SHFL: variants seen among roughly 807,000 people sequenced by gnomAD.
SHFL encodes the protein shiftless antiviral inhibitor of ribosomal frameshifting protein.
A neutral mutation model predicts 34.7 loss-of-function variants in SHFL; 12 were observed. The observed-to-expected ratio is 0.35, with a 90% CI of 0.22 to 0.56. SHFL has a LOEUF of 0.56. Among genes scored for constraint, SHFL ranks in the 20% least tolerant of loss-of-function variants. The probability of loss-of-function intolerance (pLI) is 0.88; values close to 1 mark genes in which losing one functional copy is unlikely to be tolerated. For missense variants in SHFL, 278 were observed against 411.1 expected (o/e 0.68, Z 2.80); for synonymous variants, 148 against 156.0 (o/e 0.95, Z 0.38).
chr19:10,090,068 C>A, intron 5 of SHFL, 21 bp downstream of exon 5: 1 of 1,590,850 alleles, frequency 6.3e-7, no homozygotes, highest in Admixed American at 1.8e-5. Flanking sequence ...AAAACTTAAC[C>A]TCGACTTTGA....
chr19:10,087,121 G>C, intron 2 of SHFL, 69 bp downstream of exon 2: 1 of 1,591,308 alleles, frequency 6.3e-7, no homozygotes, highest in Non-Finnish European at 8.6e-7. Context: ...GCGTGGTCTA[G>C]GGAGAGGCGT....
At position 10,092,897 on chromosome 19, in the gene SHFL, G is replaced by A. The variant is rs2088428476; in HGVS notation, c.*595G>A. On this transcript the variant is annotated 3_prime_UTR_variant, in exon 8 of 8. Coordinates refer to ENST00000253110, the MANE Select transcript of SHFL (RefSeq NM_018381.4). ...CCCCTCCCATTCTTATTGAATACAAGCCCTGATCTTCCATCTCCTCAGCAA... is the reference window on the plus strand; with the variant it reads ...CCCCTCCCATTCTTATTGAATACAAACCCTGATCTTCCATCTCCTCAGCAA... 4 of 842,650 alleles carry A rather than the reference G, an allele frequency of 4.7e-6. No individual in the cohort carries two copies. The South Asian group carries it at 1.0e-4, about 22-fold the overall frequency. The allele number at this position is 842,650 out of a possible 1,614,324, so 52.2% of individuals were successfully genotyped here. A position where few individuals can be genotyped will look rare whatever the true frequency, so the allele number is the denominator to read the frequency against.
At chr19:10,088,350 G>T (rs1178456142) in intron 3 of SHFL, 1 of 151,002 alleles carries the variant, frequency 6.6e-6, no homozygotes, top group Admixed American at 6.6e-5. Flanking sequence ...GGATCATGAG[G>T]TCAGGAGATC....
Position 10,091,411 on chromosome 19 carries a change from C to G in SHFL, c.488+58C>G. On this transcript the variant is annotated intron_variant, in intron 6 of 7. Transcript: ENST00000253110. The surrounding 1 kb of genome is among the most constrained non-coding windows in gnomAD (Gnocchi z 8.2). ...CCTGCCCTACCCCAGCCCTGCCCCT[C>G]CCTGCCCTGGCCCCACCCTGGCCCA... 2 of 1,516,018 alleles carry G rather than the reference C, an allele frequency of 1.3e-6. No homozygotes were observed. The highest frequency in any genetic ancestry group is 2.3e-5 in the South Asian group (2 of 86,366). 93.9% of individuals were successfully genotyped at this position (1,516,018 alleles called of 1,614,324 possible). A position where few individuals can be genotyped will look rare whatever the true frequency, so the allele number is the denominator to read the frequency against.
Position 10,092,065 on chromosome 19 carries a change from C to T in SHFL, c.644-5C>T, listed in dbSNP as rs1444937620. ...CCCATGTCTGCAGCACCTCTCCCTC[C>T]CTAGAGCCCCACGTGCCTGGGACAT... On this transcript the variant is annotated splice_region_variant and splice_polypyrimidine_tract_variant and intron_variant, in intron 7 of 7. Coordinates refer to ENST00000253110, the MANE Select transcript of SHFL (RefSeq NM_018381.4). 4 of 1,613,774 alleles carry T rather than the reference C, an allele frequency of 2.5e-6. No homozygotes were observed. The highest frequency in any genetic ancestry group is 3.4e-6 in the Non-Finnish European group (4 of 1,179,842).
chr19:10,089,839 A>T (rs2088350747), intron 4 of SHFL, 59 bp from the exon 5 acceptor site: 1 of 1,587,916 alleles, frequency 6.3e-7, no homozygotes, highest in African/African-American at 1.3e-5. Context: ...GCTGATGCTT[A>T]TGTTGGTGCA....
chr19:10,087,069 C>T lies in SHFL; in HGVS notation c.145+17C>T, dbSNP rs2088300005. Reference sequence around the variant, plus strand: ...TCGTGTACGGTGAGGCTGCAGGGGTCCCGGGCCTGGTGCGGGGACCGCGCG... The same window carrying T: ...TCGTGTACGGTGAGGCTGCAGGGGTTCCGGGCCTGGTGCGGGGACCGCGCG... On this transcript the variant is annotated intron_variant, in intron 2 of 7. Transcript: ENST00000253110. 6.2e-7 allele frequency: 1 copy of T among 1,607,292 alleles called. No homozygotes were observed. Among genetic ancestry groups the T allele is most frequent in the Admixed American group, 1.7e-5 (1 of 58,748 alleles).
chr19:10,092,010 T>G, intron 7 of SHFL, 60 bp from the exon 8 acceptor site: 1 of 1,606,968 alleles, frequency 6.2e-7, no homozygotes, highest in Non-Finnish European at 8.5e-7. Flanking sequence ...CTAAGTCCCC[T>G]CCTCCCCAGA....
rs1449780945 is a variant in SHFL, at chr19:10,092,426, G to A, written c.*124G>A. 1.3e-6 allele frequency: 2 copies of A among 1,517,724 alleles called. No individual in the cohort carries two copies. The highest frequency in any genetic ancestry group is 1.7e-4 in the Middle Eastern group (1 of 5,726). The allele number at this position is 1,517,724 out of a possible 1,614,324, so 94.0% of individuals were successfully genotyped here. ...CCATCTGAGGCCAAGATATTGACGG[G>A]GGGGATTCCTGGGTCCCATTTTCAG... On this transcript the variant is annotated 3_prime_UTR_variant, in exon 8 of 8. Transcript: ENST00000253110.
chr19:10,091,823 G>T lies in SHFL; in HGVS notation c.643+193G>T. On this transcript the variant is annotated intron_variant, in intron 7 of 7. Transcript: ENST00000253110. This position sits in a 1 kb window ranked among gnomAD's most constrained non-coding sequence, Gnocchi z 8.2. ...TTTCACCCCAGTGGCCCGTGCCTGA[G>T]GGTCCCCATGGCCTCTGCCCCCATG... is the stretch of plus-strand genomic sequence containing the variant. 2.1e-6 allele frequency: 2 copies of T among 937,622 alleles called. No individual in the cohort carries two copies. Among genetic ancestry groups the T allele is most frequent in the Non-Finnish European group, 3.1e-6 (2 of 647,636 alleles). 58.1% of individuals were successfully genotyped at this position (937,622 alleles called of 1,614,324 possible).
At chr19:10,088,981 ATAATAATAATAT>A (rs996361842) in intron 3 of SHFL, 13 of 135,330 alleles carry the variant, frequency 9.6e-5, no homozygotes, top group East Asian at 4.6e-4. Flanking sequence ...AATAATAATA[ATAATAATAATAT>A]TAGCAGAGAG....
chr19:10,088,850 G>A (rs1353390805), intron 3 of SHFL, among the ~76,000 whole-genome samples: 3 of 151,614 alleles, frequency 2.0e-5, no homozygotes, highest in Non-Finnish European at 4.4e-5. Context: ...GGCAGGCTAA[G>A]GCAGAAGAAT....
In SHFL at chr19:10,092,613, C is replaced by T; in HGVS notation, c.*311C>T. The T allele has an allele frequency of 6.2e-7, 1 of 1,610,082 alleles. No homozygotes were observed. The highest frequency in any genetic ancestry group is 1.7e-5 in the Admixed American group (1 of 59,852). ...GTCACAGCTTCAGGGGCCGAATGAG[C>T]ATGGCGGCCTTCCTGAGAGAATATG... is the stretch of plus-strand genomic sequence containing the variant. On this transcript the variant is annotated 3_prime_UTR_variant, in exon 8 of 8. Transcript: ENST00000253110.
rs772391880 is a variant in SHFL, at chr19:10,089,640, CT to C, written c.196-16del. The C allele has an allele frequency of 4.4e-5, 69 of 1,585,938 alleles. No homozygotes were observed. The highest frequency in any genetic ancestry group is 5.3e-5 in the Non-Finnish European group (62 of 1,165,508). On this transcript the variant is annotated splice_polypyrimidine_tract_variant and intron_variant, in intron 3 of 7. Transcript: ENST00000253110. Reference sequence around the variant, plus strand: ...TGAGCCCCATCCCCAGTTTCTGCCCCTGCTATCTCCACCCAGGATCCACCAG... The same window carrying C: ...TGAGCCCCATCCCCAGTTTCTGCCCCGCTATCTCCACCCAGGATCCACCAG...
chr19:10,087,026 C>G lies in SHFL; in HGVS notation c.119C>G (p.Thr40Arg). 1 of 1,612,578 alleles carries G rather than the reference C, an allele frequency of 6.2e-7. No homozygotes were observed. The highest frequency in any genetic ancestry group is 8.5e-7 in the Non-Finnish European group (1 of 1,179,330). The stretch of plus-strand genomic sequence containing the variant: ...ATGAGGAAATTCGGCAGCGACCACA[C>G]GGGAGTGGGGCGCTCCATCGTGTAC... ...ALMRKFGSDHTGVGRSIVYGV... is the reference protein window; with the variant it reads ...ALMRKFGSDHRGVGRSIVYGV... The change falls in exon 2 of 8, where the codon ACG becomes AGG. Residue 40 changes from threonine to arginine, a missense_variant. Physicochemically the swap from Thr to Arg is moderately conservative, Grantham distance 71 (BLOSUM62 -1). Coordinates refer to ENST00000253110, the MANE Select transcript of SHFL (RefSeq NM_018381.4).
Position 10,089,529 on chromosome 19 carries a change from T to C in SHFL, c.196-128T>C, listed in dbSNP as rs142107314. The C allele has an allele frequency of 2.6e-4, 355 of 1,378,584 alleles. No individual in the cohort carries two copies. The African/African-American group carries it at 4.3e-3, about 17-fold the overall frequency. 85.4% of individuals were successfully genotyped at this position (1,378,584 alleles called of 1,614,324 possible). A position where few individuals can be genotyped will look rare whatever the true frequency, so the allele number is the denominator to read the frequency against. ...ACACACCTGGCTCTCAATAAGTGAG[T>C]GGTGCTCTGTGAGCTTCTGGCGAGT... On this transcript the variant is annotated intron_variant, in intron 3 of 7. Transcript: ENST00000253110.
At chr19:10,089,447 G>T in intron 3 of SHFL, 2 of 1,554,884 alleles carry the variant, frequency 1.3e-6, no homozygotes, top group South Asian at 2.2e-5. Flanking sequence ...CCCCATCTGA[G>T]CAATAAGGTA....
rs989955180 is a variant in SHFL at position 10,092,948 on chromosome 19, C to A, written c.*646C>A. 2.0e-5 allele frequency: 11 copies of A among 548,420 alleles called. No homozygotes were observed. The highest frequency in any genetic ancestry group is 3.4e-5 in the Non-Finnish European group (11 of 325,980). The allele number at this position is 548,420 out of a possible 1,614,324, so 34.0% of individuals were successfully genotyped here. On this transcript the variant is annotated 3_prime_UTR_variant, in exon 8 of 8. Coordinates refer to ENST00000253110, the MANE Select transcript of SHFL (RefSeq NM_018381.4). ...AAAAATAGGAGCCCTGGCCCCCCAA[C>A]TTTCTTCAGAGTAATAGCCTTAATT...
chr19:10,092,754 T>C lies in SHFL; in HGVS notation c.*452T>C. On this transcript the variant is annotated 3_prime_UTR_variant, in exon 8 of 8. Coordinates refer to ENST00000253110, the MANE Select transcript of SHFL (RefSeq NM_018381.4). ...GGGCACAGGCATGGTACCACCAGCCTCCCCGCTGGTACAGGGCACAGTTAC... is the reference window on the plus strand; with the variant it reads ...GGGCACAGGCATGGTACCACCAGCCCCCCCGCTGGTACAGGGCACAGTTAC... The C allele has an allele frequency of 6.2e-7, 1 of 1,608,492 alleles. No individual in the cohort carries two copies. Among genetic ancestry groups the C allele is most frequent in the Non-Finnish European group, 8.5e-7 (1 of 1,175,680 alleles).
Sources: allele counts gnomAD v4.1 joint callset (sites outside exome capture counted in the v4.1 genomes callset), GRCh38; gene constraint gnomAD v4.1.1; non-coding constraint Gnocchi (gnomAD v3.1); transcripts MANE v1.5; gene names NCBI Gene and HGNC (gene_info 2026-07-23, HGNC 2026-07-21).